LRBA: variants seen among roughly 807,000 people sequenced by gnomAD.
The protein encoded by LRBA is lipopolysaccharide-responsive and beige-like anchor protein.
In LRBA, 176 loss-of-function variants were observed where a neutral mutation model predicts 330.0. The observed-to-expected ratio is 0.53, with a 90% CI of 0.47 to 0.60. LRBA has a LOEUF of 0.60. Among genes scored for constraint, LRBA ranks in the 20% least tolerant of loss-of-function variants. The pLI is 0.00. For missense variants in LRBA, 3,259 were observed against 3,444.8 expected (o/e 0.95, Z 1.35); for synonymous variants, 1,230 against 1,193.0 (o/e 1.03, Z -0.64).
At chr4:150,458,481 C>T (rs933685490) in intron 44 of LRBA, among the ~76,000 whole-genome samples, 1 of 151,754 alleles carries the variant, frequency 6.6e-6, no homozygotes, top group Non-Finnish European at 1.5e-5. Context: ...AATAGCTACA[C>T]AGTTTGCTAC....
chr4:150,318,623 G>A (rs56004102), intron 50 of LRBA, among the ~76,000 whole-genome samples: 26,486 of 152,078 alleles, frequency 0.17, 2,779 homozygotes, highest in East Asian at 0.26. Flanking sequence ...TATAATAAAC[G>A]CTTAATATTC....
At chr4:150,835,614 G>A (rs1216214798) in intron 28 of LRBA, among the ~76,000 whole-genome samples, 2 of 152,200 alleles carry the variant, frequency 1.3e-5, no homozygotes, top group Non-Finnish European at 2.9e-5. Context: ...TCTGTTATTG[G>A]TGTATAGGAA....
intron 5 of LRBA, among the ~76,000 whole-genome samples, chr4:150,919,710 T>C (rs1004852186): frequency 6.6e-6 from 1 of 152,196 alleles, no homozygotes; most frequent in Admixed American, 6.5e-5. Flanking sequence ...ATAGCAAAGA[T>C]GTAAAAGCTT....
At chr4:150,587,963 C>A in intron 40 of LRBA, 85 bp downstream of exon 40, 1 of 1,409,118 alleles carries the variant, frequency 7.1e-7, no homozygotes, top group South Asian at 1.7e-5. Flanking sequence ...TCAAACTAAG[C>A]CTGTCAGATT....
intron 46 of LRBA, among the ~76,000 whole-genome samples, chr4:150,433,285 G>C (rs913634420): frequency 6.6e-6 from 1 of 151,844 alleles, no homozygotes; most frequent in Admixed American, 6.6e-5. Context: ...TACAGGTAGG[G>C]TATTTTAAAG....
chr4:150,846,615 T>C (rs902657948), intron 26 of LRBA, among the ~76,000 whole-genome samples: 6 of 151,986 alleles, frequency 3.9e-5, no homozygotes, highest in Non-Finnish European at 5.9e-5. Context: ...AATTATTTAA[T>C]GGTACAATGT....
chr4:150,410,209 A>G (rs1047437988), intron 47 of LRBA, among the ~76,000 whole-genome samples: 5 of 151,952 alleles, frequency 3.3e-5, no homozygotes, highest in African/African-American at 1.2e-4. Context: ...AGAAGTGTAA[A>G]TTTTCCATTC....
intron 37 of LRBA, among the ~76,000 whole-genome samples, chr4:150,677,513 C>T (rs1274795771): frequency 6.6e-6 from 1 of 151,846 alleles, no homozygotes; most frequent in Admixed American, 6.6e-5. Context: ...TATTTTATTC[C>T]TTATGTCTTT....
intron 40 of LRBA, among the ~76,000 whole-genome samples, chr4:150,587,089 A>G (rs1772202857): frequency 6.6e-6 from 1 of 151,896 alleles, no homozygotes; most frequent in African/African-American, 2.4e-5. Context: ...AGGCAGCAAT[A>G]TTGAAACAAA....
intron 17 of LRBA, among the ~76,000 whole-genome samples, chr4:150,880,156 A>G (rs1241497438): frequency 6.6e-6 from 1 of 152,234 alleles, no homozygotes; most frequent in African/African-American, 2.4e-5. Context: ...AGGACTCCCT[A>G]TTCAATAAAT....
At chr4:150,910,168 T>G (rs916571248) in intron 9 of LRBA, among the ~76,000 whole-genome samples, 5 of 152,204 alleles carry the variant, frequency 3.3e-5, no homozygotes, top group Admixed American at 6.5e-5. Flanking sequence ...GACAACATCT[T>G]ATTTGTCTGT....
chr4:150,339,951 G>A (rs1481209332), intron 48 of LRBA, among the ~76,000 whole-genome samples: 1 of 150,624 alleles, frequency 6.6e-6, no homozygotes, highest in Non-Finnish European at 1.5e-5. Flanking sequence ...GAAGGACCCC[G>A]TCGGAGGTAA....
intron 37 of LRBA, among the ~76,000 whole-genome samples, chr4:150,606,061 A>G (rs910875119): frequency 6.6e-6 from 1 of 152,168 alleles, no homozygotes; most frequent in African/African-American, 2.4e-5. Flanking sequence ...GTCACTATTC[A>G]ATGTATGTCT....
Position 150,901,544 on chromosome 4 carries a change from G to C in LRBA, c.1756-1327C>G, listed in dbSNP as rs115345927. Among the ~76,000 whole-genome samples the C allele has an allele frequency of 5.9e-3, 905 of 152,266 alleles. 4 individuals are homozygous for C. Among genetic ancestry groups the C allele is most frequent in the Non-Finnish European group, 0.01 (682 of 68,020 alleles). On this transcript the variant is annotated intron_variant, in intron 13 of 56. Transcript: ENST00000651943. ...CCTTTATGTTACCTTCCTGGACAAT[G>C]AGGGCATTTTCCTTTTCAAACCTGC...
intron 37 of LRBA, among the ~76,000 whole-genome samples, chr4:150,666,766 TAC>T (rs1257044323): frequency 6.6e-6 from 1 of 152,196 alleles, no homozygotes; most frequent in Non-Finnish European, 1.5e-5. Context: ...TTTAAATATG[TAC>T]AGTTTATTGT....
intron 2 of LRBA, among the ~76,000 whole-genome samples, chr4:150,969,690 G>T (rs1005939662): frequency 6.6e-6 from 1 of 152,072 alleles, no homozygotes; most frequent in Non-Finnish European, 1.5e-5. Context: ...GGCTAGTCTC[G>T]AACTCCTGGG....
chr4:150,861,678 A>T (rs1404445025), intron 22 of LRBA, among the ~76,000 whole-genome samples: 1 of 152,226 alleles, frequency 6.6e-6, no homozygotes, highest in Non-Finnish European at 1.5e-5. Context: ...ATTTATTTTT[A>T]AAAACTACTT....
intron 40 of LRBA, among the ~76,000 whole-genome samples, chr4:150,503,381 C>T (rs1173271092): frequency 6.6e-6 from 1 of 152,188 alleles, no homozygotes; most frequent in Non-Finnish European, 1.5e-5. Context: ...CAGGCAGCAG[C>T]ATTGGCAGTT....
At position 150,302,628 on chromosome 4, in the gene LRBA, C is replaced by A; in HGVS notation, c.8014G>T (p.Gly2672Cys). The change falls in exon 53 of 57, where the codon GGC (glycine) becomes TGC (cysteine). Residue 2672 changes from glycine to cysteine, a missense_variant. By Grantham distance (159) the Gly-to-Cys change is radical (BLOSUM62 -3). Coordinates refer to ENST00000651943, the MANE Select transcript of LRBA (RefSeq NM_001364905.1). ...TTAAAAAATGAGTCATACTTACTGC[C>A]TGGGTTATCTCCAATCCCACTGCAT... is the stretch of plus-strand genomic sequence containing the variant. ...GKCSGIGDNPGSETAAPRAIL... is the reference protein window; with the variant it reads ...GKCSGIGDNPCSETAAPRAIL... The A allele has an allele frequency of 6.2e-7, 1 of 1,602,528 alleles. No homozygotes were observed. Among genetic ancestry groups the A allele is most frequent in the Non-Finnish European group, 8.5e-7 (1 of 1,173,706 alleles).
Sources: allele counts gnomAD v4.1 joint callset (sites outside exome capture counted in the v4.1 genomes callset), GRCh38; gene constraint gnomAD v4.1.1; transcripts MANE v1.5; gene names NCBI Gene and HGNC (gene_info 2026-07-23, HGNC 2026-07-21).